Variants in SETBP1 observed in about 807,000 individuals in gnomAD.
SETBP1 encodes SET-binding protein.
In SETBP1, 9 loss-of-function variants were observed where a neutral mutation model predicts 101.0. That is an observed-to-expected ratio of 0.09 (90% CI 0.05 to 0.16). SETBP1 has a LOEUF of 0.16. SETBP1 is among the 10% of genes least tolerant of loss of function. The pLI, the probability that SETBP1 is intolerant of heterozygous loss-of-function variation, is 1.00. For synonymous variants in SETBP1, 818 were observed against 788.5 expected (o/e 1.04, Z -0.63); for missense variants, 1,858 against 2,033.8 (o/e 0.91, Z 1.66).
intron 4 of SETBP1, among the ~76,000 whole-genome samples, chr18:45,009,061 A>C (rs2072785128): frequency 6.6e-6 from 1 of 152,090 alleles, no homozygotes; most frequent in Admixed American, 6.6e-5. Flanking sequence ...ACTTGTAATG[A>C]GGGCTCCTCA....
At chr18:44,954,973 C>T (rs2071450937) in intron 4 of SETBP1, among the ~76,000 whole-genome samples, 3 of 152,132 alleles carry the variant, frequency 2.0e-5, no homozygotes. Context: ...TTTTATGAGC[C>T]TTATTTAGCT....
intron 2 of SETBP1, among the ~76,000 whole-genome samples, chr18:44,825,853 C>G (rs2072227030): frequency 6.6e-6 from 1 of 152,130 alleles, no homozygotes; most frequent in Non-Finnish European, 1.5e-5. Context: ...AAGTATGGTC[C>G]TTGGTATTAC....
intron 2 of SETBP1, among the ~76,000 whole-genome samples, chr18:44,758,854 C>T (rs2070568234): frequency 6.6e-6 from 1 of 152,156 alleles, no homozygotes; most frequent in Non-Finnish European, 1.5e-5. Flanking sequence ...TTTTCCACAT[C>T]AGAAAATACC....
intron 4 of SETBP1, among the ~76,000 whole-genome samples, chr18:44,981,846 T>C (rs984001912): frequency 1.3e-5 from 2 of 152,230 alleles, no homozygotes; most frequent in Non-Finnish European, 2.9e-5. Flanking sequence ...CTGATTAGCC[T>C]ACAATAAGGT....
chr18:44,972,604 T>C (rs947004552), intron 4 of SETBP1, among the ~76,000 whole-genome samples: 4 of 152,190 alleles, frequency 2.6e-5, no homozygotes, highest in African/African-American at 9.7e-5. Context: ...CCCTTGTAAG[T>C]TGGATTCCTA....
At chr18:44,738,941 C>T (rs1289726948) in intron 2 of SETBP1, among the ~76,000 whole-genome samples, 1 of 152,090 alleles carries the variant, frequency 6.6e-6, no homozygotes, top group African/African-American at 2.4e-5. Flanking sequence ...AAATGGGCCT[C>T]ACTGGGCTCA....
chr18:44,957,237 C>A (rs1397460960), intron 4 of SETBP1, among the ~76,000 whole-genome samples: 2 of 152,084 alleles, frequency 1.3e-5, no homozygotes, highest in Non-Finnish European at 2.9e-5. Flanking sequence ...GCCCTCAAAG[C>A]CAAGTTTTCA....
rs1389839713 is a variant in SETBP1, at chr18:44,952,429, C to A, written c.3089C>A (p.Thr1030Lys). Residue 1030 changes from threonine (T) to lysine (K), a missense_variant, in exon 4 of 6, where the codon ACA becomes AAA. This residue lies in a region of SETBP1 where 255 missense variants were observed against 300.1 expected (regional missense o/e 0.85). Transcript: ENST00000649279. ...CCTGCAAAAACCAATGACACCATGA[C>A]AAAGGTGCCTTTTTTACAAGGGTTC... The part of the protein sequence containing the change: ...GRPAKTNDTM[T>K]KVPFLQGFSY... The A allele has an allele frequency of 6.2e-7, 1 of 1,614,034 alleles. No individual in the cohort carries two copies. The highest frequency in any genetic ancestry group is 1.3e-5 in the African/African-American group (1 of 74,908).
rs1467105467 is a variant in SETBP1 at position 44,868,626 on chromosome 18, C to T, written c.487-604C>T. ...AGGAGAATTGCTTGAACCTGGGAGA[C>T]GGAGGTTGTGGTTAGCCAAGATCAT... On this transcript the variant is annotated intron_variant, in intron 2 of 5. Coordinates refer to ENST00000649279, the MANE Select transcript of SETBP1 (RefSeq NM_015559.3). Among the ~76,000 whole-genome samples the T allele has an allele frequency of 7.5e-5, 11 of 146,900 alleles. No homozygotes were observed. The South Asian group carries it at 8.9e-4, about 12-fold the overall frequency.
chr18:44,726,276 A>T (rs2069704903), intron 2 of SETBP1, among the ~76,000 whole-genome samples: 1 of 152,166 alleles, frequency 6.6e-6, no homozygotes, highest in Non-Finnish European at 1.5e-5. Flanking sequence ...CATTCTTTTC[A>T]AGGAAGGTAG....
chr18:44,731,631 TACAC>T (rs58199613), intron 2 of SETBP1, among the ~76,000 whole-genome samples: 26 of 149,838 alleles, frequency 1.7e-4, no homozygotes, highest in South Asian at 1.7e-3. Context: ...AATGGTTCTT[TACAC>T]ACACACACAC....
At chr18:44,908,543 A>G (rs111253100) in intron 3 of SETBP1, among the ~76,000 whole-genome samples, 2 of 152,178 alleles carry the variant, frequency 1.3e-5, no homozygotes, top group African/African-American at 2.4e-5. Context: ...GTTCTGTTCT[A>G]TTGATTTATA....
At chr18:44,749,177 C>A (rs1163916550) in intron 2 of SETBP1, among the ~76,000 whole-genome samples, 2 of 152,196 alleles carry the variant, frequency 1.3e-5, no homozygotes, top group Admixed American at 1.3e-4. Context: ...ATACTTATGA[C>A]CTCCTCTGCA....
intron 2 of SETBP1, among the ~76,000 whole-genome samples, chr18:44,715,048 G>A (rs991461875): frequency 9.9e-5 from 15 of 152,240 alleles, no homozygotes; most frequent in Admixed American, 8.5e-4. Context: ...GGTGGGGTGG[G>A]GGGTGTTTGG....
chr18:45,050,233 C>G (rs1404128391), intron 5 of SETBP1, among the ~76,000 whole-genome samples: 1 of 152,184 alleles, frequency 6.6e-6, no homozygotes, highest in Non-Finnish European at 1.5e-5. Flanking sequence ...TTCTACTTGC[C>G]TTGTACGGTG....
intron 4 of SETBP1, among the ~76,000 whole-genome samples, chr18:45,005,250 C>T (rs972247189): frequency 6.6e-6 from 1 of 152,158 alleles, no homozygotes; most frequent in East Asian, 1.9e-4. Context: ...AATTAAGGTG[C>T]TTTTCAAACC....
At chr18:44,926,395 A>G (rs1337153687) in intron 3 of SETBP1, among the ~76,000 whole-genome samples, 3 of 152,198 alleles carry the variant, frequency 2.0e-5, no homozygotes, top group Non-Finnish European at 2.9e-5. Flanking sequence ...TTTTCCCTGC[A>G]TGATTTTGTC....
intron 4 of SETBP1, among the ~76,000 whole-genome samples, chr18:44,981,786 A>C (rs2072119091): frequency 6.6e-6 from 1 of 152,204 alleles, no homozygotes; most frequent in Admixed American, 6.5e-5. Flanking sequence ...CGTATGTCTA[A>C]AGAAGGCAAC....
chr18:44,843,104 A>G (rs768683484), intron 2 of SETBP1, among the ~76,000 whole-genome samples: 7 of 152,152 alleles, frequency 4.6e-5, no homozygotes, highest in Non-Finnish European at 8.8e-5. Flanking sequence ...TAGCCTGCCA[A>G]CTCTTTTGCT....
Sources: gnomAD v4.1 joint callset for allele counts (sites outside exome capture counted in the v4.1 genomes callset) on GRCh38, gnomAD v4.1.1 for gene constraint, gnomAD v4.1.1 regional missense constraint, MANE v1.5 for transcripts, NCBI Gene and HGNC (gene_info 2026-07-23, HGNC 2026-07-21) for gene names.